The following ITFG1 variants were observed in gnomAD, a reference collection of about 807,000 sequenced individuals.
The protein encoded by ITFG1 is T-cell immunomodulatory protein.
Under a neutral mutation model 81.8 loss-of-function variants are expected in ITFG1, and 34 were observed. That is an observed-to-expected ratio of 0.42 (90% CI 0.32 to 0.55). The LOEUF (loss-of-function observed/expected upper bound fraction) is 0.55. Ranked by LOEUF, ITFG1 falls within the 20% of genes least tolerant of loss-of-function variation. The pLI is 0.17. For synonymous variants in ITFG1, 285 were observed against 270.6 expected, an observed-to-expected ratio of 1.05 and a Z score of -0.52; for missense variants, 672 against 755.4, an observed-to-expected ratio of 0.89 and a Z score of 1.29.
At chr16:47,247,526 C>T (rs1263773752) in intron 12 of ITFG1, among the ~76,000 whole-genome samples, 1 of 152,198 alleles carries the variant, frequency 6.6e-6, no homozygotes, top group Non-Finnish European at 1.5e-5. Context: ...CCACTCCTTT[C>T]AAGCTTCCTA....
rs573640937 is a variant in ITFG1 at position 47,445,771 on chromosome 16, T to C, written c.560+5625A>G. 3.3e-5 allele frequency among the ~76,000 whole-genome samples: 5 copies of C among 152,318 alleles called. No individual in the cohort carries two copies. The South Asian group carries it at 8.3e-4, about 25-fold the overall frequency. ...TCTGCCTATGTTTCATGGAATGCTT[T>C]TGAAAAGCACCCATTATGCTACAAT... On this transcript the variant is annotated intron_variant, in intron 5 of 17. Coordinates refer to ENST00000320640, the MANE Select transcript of ITFG1 (RefSeq NM_030790.5).
chr16:47,336,799 C>T (rs1234495576), intron 8 of ITFG1, among the ~76,000 whole-genome samples: 2 of 151,558 alleles, frequency 1.3e-5, no homozygotes, highest in Non-Finnish European at 2.9e-5. Context: ...CCTGTCTCTA[C>T]TAAAAATATA....
intron 6 of ITFG1, among the ~76,000 whole-genome samples, chr16:47,397,561 T>C (rs182089145): frequency 1.5e-4 from 23 of 152,316 alleles, no homozygotes; most frequent in African/African-American, 5.5e-4. Flanking sequence ...CACTGGACAA[T>C]GTCTAAAGAC....
rs377132133 is a variant in ITFG1, at chr16:47,296,865, C to T, written c.1070+14375G>A. On this transcript the variant is annotated intron_variant, in intron 10 of 17. Transcript: ENST00000320640. ...GACTTGCTTTGTGGTAACATATGGT[C>T]TATTTTGGAGAATGTTCCATGTTCC... is the stretch of plus-strand genomic sequence containing the variant. Among the ~76,000 whole-genome samples the T allele has an allele frequency of 9.3e-4, 142 of 152,262 alleles. 2 individuals are homozygous for T. The South Asian group carries it at 0.029, about 31-fold the overall frequency.
At chr16:47,267,320 A>G (rs1442545122) in intron 10 of ITFG1, among the ~76,000 whole-genome samples, 1 of 152,212 alleles carries the variant, frequency 6.6e-6, no homozygotes, top group Non-Finnish European at 1.5e-5. Flanking sequence ...TATCACCAGA[A>G]CAAAGAGAGT....
chr16:47,414,991 C>T (rs1968856421), intron 6 of ITFG1, among the ~76,000 whole-genome samples: 1 of 152,154 alleles, frequency 6.6e-6, no homozygotes, highest in Admixed American at 6.5e-5. Flanking sequence ...CAAATTGAAA[C>T]TGGGTGCCTG....
chr16:47,194,151 C>T (rs1178189195), intron 14 of ITFG1, among the ~76,000 whole-genome samples: 2 of 152,128 alleles, frequency 1.3e-5, no homozygotes, highest in African/African-American at 4.8e-5. Context: ...TCTTCTTACT[C>T]ACTTCTTCTG....
At chr16:47,452,139 A>G (rs1969397187) in intron 4 of ITFG1, among the ~76,000 whole-genome samples, 1 of 152,194 alleles carries the variant, frequency 6.6e-6, no homozygotes, top group Non-Finnish European at 1.5e-5. Flanking sequence ...CCACTGACAC[A>G]CTGCTGTATG....
chr16:47,296,030 C>T (rs976130148), intron 10 of ITFG1, among the ~76,000 whole-genome samples: 3 of 152,086 alleles, frequency 2.0e-5, no homozygotes, highest in African/African-American at 7.2e-5. Flanking sequence ...TCCCAGGTAG[C>T]TGAGTCTACA....
intron 14 of ITFG1, among the ~76,000 whole-genome samples, chr16:47,201,900 A>G (rs1965429217): frequency 6.6e-6 from 1 of 152,332 alleles, no homozygotes; most frequent in South Asian, 2.1e-4. Context: ...TTCCTATTAA[A>G]TTTATCATCT....
intron 16 of ITFG1, among the ~76,000 whole-genome samples, chr16:47,160,901 C>T (rs906816951): frequency 4.6e-5 from 7 of 152,008 alleles, no homozygotes; most frequent in East Asian, 1.9e-4. Context: ...TCAATACATT[C>T]GATCGAGATG....
chr16:47,165,246 G>A (rs1421167640), intron 14 of ITFG1, among the ~76,000 whole-genome samples: 1 of 152,052 alleles, frequency 6.6e-6, no homozygotes, highest in Non-Finnish European at 1.5e-5. Context: ...TATTCAAGGG[G>A]ACTCTGCTAA....
chr16:47,297,253 G>A (rs1966997000), intron 10 of ITFG1, among the ~76,000 whole-genome samples: 1 of 151,822 alleles, frequency 6.6e-6, no homozygotes, highest in Admixed American at 6.6e-5. Flanking sequence ...CTTGCTTTTG[G>A]TTTCCATTCA....
intron 8 of ITFG1, among the ~76,000 whole-genome samples, chr16:47,357,670 A>C (rs1968058852): frequency 6.6e-6 from 1 of 151,996 alleles, no homozygotes; most frequent in African/African-American, 2.4e-5. Context: ...TTGAGAATAC[A>C]ATATGTCAGA....
At chr16:47,427,964 T>C (rs928933782) in intron 6 of ITFG1, among the ~76,000 whole-genome samples, 5 of 152,078 alleles carry the variant, frequency 3.3e-5, no homozygotes, top group African/African-American at 1.2e-4. Flanking sequence ...GGAAACTCTG[T>C]CTCTACAAAA....
chr16:47,195,808 T>C (rs1415464973), intron 14 of ITFG1, among the ~76,000 whole-genome samples: 1 of 152,150 alleles, frequency 6.6e-6, no homozygotes, highest in Non-Finnish European at 1.5e-5. Context: ...GTTACATAGG[T>C]ATACGTGTGC....
rs147442815 is a variant in ITFG1, at chr16:47,360,209, A to G, written c.802+5579T>C. On this transcript the variant is annotated intron_variant, in intron 8 of 17. Coordinates refer to ENST00000320640, the MANE Select transcript of ITFG1 (RefSeq NM_030790.5). ...GTATGTACCATACAATTTGAAGAAT[A>G]TCAAAGTATTATAATGCAGCACTTA... Among the ~76,000 whole-genome samples, 1,088 of 152,350 alleles carry G rather than the reference A, an allele frequency of 7.1e-3. 17 individuals carry two copies. Among genetic ancestry groups the G allele is most frequent in the African/African-American group, 0.025 (1,043 of 41,588 alleles).
chr16:47,419,441 T>C (rs1012105953), intron 6 of ITFG1, among the ~76,000 whole-genome samples: 1 of 151,698 alleles, frequency 6.6e-6, no homozygotes, highest in African/African-American at 2.4e-5. Context: ...GCTAATTTTT[T>C]AGTACTTTTT....
intron 8 of ITFG1, among the ~76,000 whole-genome samples, chr16:47,323,620 A>AT (rs770211898): frequency 1.3e-5 from 2 of 151,552 alleles, no homozygotes; most frequent in South Asian, 2.1e-4. Context: ...TACCTTGATG[A>AT]TTTTTTTTCC....
Sources: allele counts gnomAD v4.1 joint callset (sites outside exome capture counted in the v4.1 genomes callset), GRCh38; gene constraint gnomAD v4.1.1; transcripts MANE v1.5; gene names NCBI Gene and HGNC (gene_info 2026-07-23, HGNC 2026-07-21).